The following DACH2 variants were observed in gnomAD, a reference collection of about 807,000 sequenced individuals.
The protein encoded by DACH2 is dachshund family transcription factor 2.
DACH2 carries 17 observed loss-of-function variants against 35.8 expected under a neutral mutation model. The observed-to-expected ratio is 0.48, with a 90% confidence interval of 0.33 to 0.71. DACH2 has a LOEUF of 0.71. Among genes scored for constraint, DACH2 ranks in the 30% least tolerant of loss-of-function variants. The probability of loss-of-function intolerance (pLI) is 0.02; values close to 1 mark genes in which losing one functional copy is unlikely to be tolerated. For synonymous variants in DACH2, 195 were observed against 177.3 expected (o/e 1.10, Z -0.79); for missense variants, 469 against 472.7 (o/e 0.99, Z 0.07).
intron 1 of DACH2, among the ~76,000 whole-genome samples, chrX:86,219,156 A>G (rs1201756616): frequency 8.9e-6 from 1 of 112,169 alleles, no homozygotes; most frequent in Non-Finnish European, 1.9e-5. Flanking sequence ...GTCTGTATTT[A>G]TGTATTACCT....
At chrX:86,507,166 C>T (rs1052703381) in intron 2 of DACH2, among the ~76,000 whole-genome samples, 3 of 111,508 alleles carry the variant, frequency 2.7e-5, no homozygotes. Flanking sequence ...TAGTGATCAG[C>T]TTTCTGATGG....
Position 86,814,734 on chromosome X carries a change from A to T in DACH2, c.1584A>T (p.Lys528Asn). The part of the protein sequence containing the change: ...RLKKEKKTKR[K>N]LQEALEFESK... ...AGAAGGAGAAAAAAACCAAGAGAAA[A>T]TTGCAGGAAGCCTTGGAATTTGAAT... Residue 528 changes from lysine to asparagine, a missense_variant, in exon 10 of 12, where the codon AAA becomes AAT. Lys to Asn is a moderately conservative substitution (Grantham distance 94, BLOSUM62 0). This residue lies in a region of DACH2 where 363 missense variants were observed against 334.4 expected (regional missense o/e 1.09). Coordinates refer to ENST00000373125, the MANE Select transcript of DACH2 (RefSeq NM_053281.3). 8 of 1,211,425 alleles carry T rather than the reference A, an allele frequency of 6.6e-6. No individual in the cohort carries two copies. The East Asian group carries it at 2.4e-4, about 36-fold the overall frequency.
chrX:86,550,167 A>G (rs1004116281), intron 3 of DACH2, among the ~76,000 whole-genome samples: 1 of 111,806 alleles, frequency 8.9e-6, no homozygotes, highest in Admixed American at 9.5e-5. Flanking sequence ...AAAGAAAATC[A>G]TAATGAAAGA....
At chrX:86,740,265 A>AT (rs1218981883) in intron 7 of DACH2, among the ~76,000 whole-genome samples, 11 of 111,381 alleles carry the variant, frequency 9.9e-5, no homozygotes, top group African/African-American at 2.9e-4. Flanking sequence ...AAAGTGAATC[A>AT]ATATAAGATT....
At chrX:86,812,823 G>C (rs773394815) in intron 7 of DACH2, 33 bp from the exon 8 acceptor site, 5 of 1,137,469 alleles carry the variant, frequency 4.4e-6, no homozygotes, top group African/African-American at 1.8e-5. Context: ...CTCTTAATCT[G>C]TGAACCTTCT....
chrX:86,537,209 C>A (rs1381425982), intron 3 of DACH2, among the ~76,000 whole-genome samples: 2 of 111,755 alleles, frequency 1.8e-5, no homozygotes, highest in Non-Finnish European at 3.8e-5. Context: ...CCCACATGAG[C>A]TATGGCTGCG....
intron 3 of DACH2, among the ~76,000 whole-genome samples, chrX:86,578,355 A>AT (rs1321276970): frequency 1.8e-5 from 2 of 108,803 alleles, no homozygotes; most frequent in Non-Finnish European, 3.8e-5. Flanking sequence ...CCGACATTCG[A>AT]TTTTTCCTGT....
chrX:86,226,776 T>C (rs1353607101), intron 1 of DACH2, among the ~76,000 whole-genome samples: 1 of 111,638 alleles, frequency 9.0e-6, no homozygotes. Flanking sequence ...CTTGTGCTTC[T>C]AATATGTCTT....
At chrX:86,759,400 C>T (rs1039429843) in intron 7 of DACH2, among the ~76,000 whole-genome samples, 2 of 111,251 alleles carry the variant, frequency 1.8e-5, no homozygotes, top group Non-Finnish European at 3.8e-5. Flanking sequence ...CTCTTTGTTG[C>T]TTTTGACTTA....
chrX:86,441,426 T>C (rs1453232121), intron 2 of DACH2, among the ~76,000 whole-genome samples: 1 of 110,576 alleles, frequency 9.0e-6, no homozygotes, highest in African/African-American at 3.3e-5. Flanking sequence ...GGTTCATCCA[T>C]GTTGTTGCGA....
chrX:86,299,783 TC>T (rs1217174275), intron 1 of DACH2, among the ~76,000 whole-genome samples: 2 of 112,058 alleles, frequency 1.8e-5, no homozygotes, highest in African/African-American at 6.5e-5. Context: ...GTGGCATTTC[TC>T]CCCCTTTGGC....
At chrX:86,607,918 G>A (rs374927952) in intron 3 of DACH2, among the ~76,000 whole-genome samples, 127 of 106,268 alleles carry the variant, frequency 1.2e-3, no homozygotes, top group Non-Finnish European at 1.8e-3. Flanking sequence ...TACAAAGGAC[G>A]TGAACTCATC....
intron 2 of DACH2, among the ~76,000 whole-genome samples, chrX:86,492,934 T>C (rs765301075): frequency 1.8e-5 from 2 of 111,714 alleles, no homozygotes; most frequent in African/African-American, 6.5e-5. Flanking sequence ...TATGTATTTT[T>C]GGTAGAATGA....
chrX:86,337,356 C>T (rs890460109), intron 1 of DACH2, among the ~76,000 whole-genome samples: 1 of 112,192 alleles, frequency 8.9e-6, no homozygotes, highest in Non-Finnish European at 1.9e-5. Flanking sequence ...AAAGGGAAGC[C>T]TATCAGAATA....
chrX:86,774,212 A>C (rs181282353), intron 7 of DACH2, among the ~76,000 whole-genome samples: 1 of 112,561 alleles, frequency 8.9e-6, no homozygotes, highest in African/African-American at 3.2e-5. Flanking sequence ...ATGCAAATAC[A>C]AATAATTCCT....
intron 3 of DACH2, among the ~76,000 whole-genome samples, chrX:86,646,474 T>C (rs1931505409): frequency 2.7e-5 from 3 of 110,408 alleles, no homozygotes; most frequent in African/African-American, 9.8e-5. Flanking sequence ...ATATAAGACC[T>C]GACATGACAA....
At chrX:86,375,882 G>A (rs1466716985) in intron 1 of DACH2, among the ~76,000 whole-genome samples, 2 of 109,824 alleles carry the variant, frequency 1.8e-5, no homozygotes, top group African/African-American at 6.6e-5. Context: ...ACTTGTAGTG[G>A]GCATTATAGG....
At chrX:86,392,483 G>T (rs906778414) in intron 2 of DACH2, among the ~76,000 whole-genome samples, 5 of 111,615 alleles carry the variant, frequency 4.5e-5, no homozygotes, top group African/African-American at 1.6e-4. Flanking sequence ...AAAAAGTTAG[G>T]CTGAAATGGT....
intron 7 of DACH2, among the ~76,000 whole-genome samples, chrX:86,806,650 T>C (rs1331738303): frequency 8.9e-6 from 1 of 112,122 alleles, no homozygotes; most frequent in African/African-American, 3.2e-5. Flanking sequence ...AAACAAAGTT[T>C]TTATTGTATT....
Sources: allele counts gnomAD v4.1 joint callset (sites outside exome capture counted in the v4.1 genomes callset), GRCh38; gene constraint gnomAD v4.1.1; regional missense constraint gnomAD v4.1.1; transcripts MANE v1.5; gene names NCBI Gene and HGNC (gene_info 2026-07-23, HGNC 2026-07-21).